MACROD2: variants seen among roughly 807,000 people sequenced by gnomAD.
MACROD2 encodes the protein ADP-ribose glycohydrolase MACROD2.
In MACROD2, 36 loss-of-function variants were observed where a neutral mutation model predicts 70.4. The observed-to-expected ratio is 0.51, with a 90% CI of 0.39 to 0.68. MACROD2 has a LOEUF of 0.68. Ranked by LOEUF, MACROD2 falls within the 30% of genes least tolerant of loss-of-function variation. The probability of loss-of-function intolerance (pLI) is 0.00; values close to 1 mark genes in which losing one functional copy is unlikely to be tolerated. For missense variants in MACROD2, 496 were observed against 538.4 expected, an observed-to-expected ratio of 0.92 and a Z score of 0.78; for synonymous variants, 172 against 178.8, an observed-to-expected ratio of 0.96 and a Z score of 0.30.
intron 5 of MACROD2, among the ~76,000 whole-genome samples, chr20:15,170,415 G>A (rs536180180): frequency 2.0e-5 from 3 of 152,294 alleles, no homozygotes; most frequent in Non-Finnish European, 4.4e-5. Flanking sequence ...AAGGATAAAT[G>A]AGAAGTCAGG....
chr20:14,359,056 TG>T (rs1476632682), intron 3 of MACROD2, among the ~76,000 whole-genome samples: 7 of 151,974 alleles, frequency 4.6e-5, no homozygotes, highest in African/African-American at 1.7e-4. Flanking sequence ...GGCATAGTGG[TG>T]CCTGCCTGTA....
At chr20:15,957,360 A>G (rs1439681129) in intron 12 of MACROD2, among the ~76,000 whole-genome samples, 1 of 152,216 alleles carries the variant, frequency 6.6e-6, no homozygotes, top group African/African-American at 2.4e-5. Flanking sequence ...ATTTTTTAGT[A>G]ATGTGAAAAA....
intron 4 of MACROD2, among the ~76,000 whole-genome samples, chr20:14,610,568 T>A (rs1320997849): frequency 6.6e-6 from 1 of 152,142 alleles, no homozygotes; most frequent in Non-Finnish European, 1.5e-5. Flanking sequence ...TAAAATGTGT[T>A]TTATTCATGA....
chr20:15,327,606 T>C, intron 6 of MACROD2, among the ~76,000 whole-genome samples: 1 of 152,062 alleles, frequency 6.6e-6, no homozygotes, highest in East Asian at 1.9e-4. Flanking sequence ...GAGAACAGCA[T>C]GGGGGTAACT....
chr20:14,515,465 G>GCGCATGCA (rs1369248292), intron 4 of MACROD2, among the ~76,000 whole-genome samples: 1 of 127,066 alleles, frequency 7.9e-6, no homozygotes, highest in African/African-American at 3.1e-5. Flanking sequence ...ACACACACAC[G>GCGCATGCA]CACACACACA....
intron 4 of MACROD2, among the ~76,000 whole-genome samples, chr20:14,550,923 T>C (rs1023032825): frequency 1.3e-5 from 2 of 151,964 alleles, no homozygotes; most frequent in Non-Finnish European, 2.9e-5. Context: ...TGCTTCCTCA[T>C]GAATTTCATT....
At chr20:15,233,077 G>T (rs746100945) in intron 6 of MACROD2, among the ~76,000 whole-genome samples, 5 of 151,738 alleles carry the variant, frequency 3.3e-5, no homozygotes, top group African/African-American at 9.7e-5. Context: ...AGATCATCAT[G>T]TCCACTGTGT....
At chr20:15,140,786 A>AG (rs1732874954) in intron 5 of MACROD2, among the ~76,000 whole-genome samples, 1 of 152,142 alleles carries the variant, frequency 6.6e-6, no homozygotes, top group Admixed American at 6.6e-5. Context: ...ACCTTAATTT[A>AG]GGGGTCTTGA....
intron 5 of MACROD2, among the ~76,000 whole-genome samples, chr20:15,143,775 A>G (rs1473263555): frequency 6.6e-6 from 1 of 151,100 alleles, no homozygotes; most frequent in Non-Finnish European, 1.5e-5. Context: ...TTTCTTTTTT[A>G]TTGTTAGTAT....
At chr20:14,896,015 G>A (rs2073823972) in intron 5 of MACROD2, among the ~76,000 whole-genome samples, 1 of 152,196 alleles carries the variant, frequency 6.6e-6, no homozygotes, top group Non-Finnish European at 1.5e-5. Context: ...TTTGGAAATA[G>A]GCCGGGTGCT....
At chr20:14,445,799 A>G (rs1449733919) in intron 3 of MACROD2, among the ~76,000 whole-genome samples, 1 of 152,162 alleles carries the variant, frequency 6.6e-6, no homozygotes, top group Non-Finnish European at 1.5e-5. Context: ...GTAATACATA[A>G]TTCTCCAAAT....
In MACROD2 at chr20:13,995,791, G is replaced by A; in HGVS notation, c.28G>A (p.Val10Met). The A allele has an allele frequency of 6.2e-7, 1 of 1,605,450 alleles. No homozygotes were observed. Among genetic ancestry groups the A allele is most frequent in the Non-Finnish European group, 8.5e-7 (1 of 1,175,020 alleles). The change falls in exon 1 of 18, where the codon GTG (valine) becomes ATG (methionine). Residue 10 changes from valine to methionine, a missense_variant. By Grantham distance (21) the Val-to-Met change is conservative. Coordinates refer to ENST00000684519, the MANE Select transcript of MACROD2 (RefSeq NM_001351661.2). This position sits in a 1 kb window ranked among gnomAD's most constrained non-coding sequence, Gnocchi z 4.3. ...GTACCCCAGCAACAAGAAGAAAAAG[G>A]TGTGGAGAGAGGAGAAAGGTAACCG... MYPSNKKKK[V>M]WREEKERLLK...
chr20:15,067,406 G>A (rs2075585665), intron 5 of MACROD2, among the ~76,000 whole-genome samples: 1 of 152,176 alleles, frequency 6.6e-6, no homozygotes, highest in Admixed American at 6.5e-5. Flanking sequence ...CTGGAGTGCA[G>A]TGGTGCGATC....
Position 15,597,573 on chromosome 20 carries a change from T to C in MACROD2, c.645+97726T>C, listed in dbSNP as rs73900012. Among the ~76,000 whole-genome samples, 1,272 of 152,260 alleles carry C rather than the reference T, an allele frequency of 8.4e-3. 19 individuals carry two copies. The highest frequency in any genetic ancestry group is 0.029 in the African/African-American group (1,212 of 41,532). On this transcript the variant is annotated intron_variant, in intron 8 of 17. Coordinates refer to ENST00000684519, the MANE Select transcript of MACROD2 (RefSeq NM_001351661.2). ...AAGATGATGAAATAGAGCAGACACG[T>C]CACCTGTAAAAGGCTACCAGAGGTG...
chr20:14,983,322 G>A (rs1050233981), intron 5 of MACROD2, among the ~76,000 whole-genome samples: 21 of 152,228 alleles, frequency 1.4e-4, no homozygotes, highest in South Asian at 4.2e-4. Context: ...GGGTTAATGC[G>A]GAAATGAGTT....
intron 3 of MACROD2, among the ~76,000 whole-genome samples, chr20:14,177,902 G>A (rs1044633547): frequency 1.3e-5 from 2 of 152,044 alleles, no homozygotes; most frequent in Non-Finnish European, 2.9e-5. Context: ...ACAAGCACTA[G>A]AAGAAAATAA....
chr20:14,320,632 G>T (rs546890645), intron 3 of MACROD2, among the ~76,000 whole-genome samples: 2 of 150,030 alleles, frequency 1.3e-5, no homozygotes, highest in South Asian at 4.3e-4. Context: ...CTAAATCAGT[G>T]GTCCTTGACC....
At chr20:14,908,941 G>T (rs2073993048) in intron 5 of MACROD2, among the ~76,000 whole-genome samples, 1 of 152,210 alleles carries the variant, frequency 6.6e-6, no homozygotes, top group African/African-American at 2.4e-5. Context: ...GCAGCTTCAT[G>T]AGGAAGGATG....
intron 4 of MACROD2, among the ~76,000 whole-genome samples, chr20:14,600,763 A>T (rs1169003667): frequency 6.6e-6 from 1 of 152,054 alleles, no homozygotes; most frequent in African/African-American, 2.4e-5. Flanking sequence ...AGCAGGCTTT[A>T]TTTTGTCATT....
Sources: gnomAD v4.1 joint callset for allele counts (sites outside exome capture counted in the v4.1 genomes callset) on GRCh38, gnomAD v4.1.1 for gene constraint, Gnocchi (gnomAD v3.1) non-coding constraint, MANE v1.5 for transcripts, NCBI Gene and HGNC (gene_info 2026-07-23, HGNC 2026-07-21) for gene names.